Variants in ADAM9 observed in about 807,000 individuals in gnomAD.
ADAM9 encodes the protein ADAM metallopeptidase domain 9, also known as disintegrin and metalloproteinase domain-containing protein 9.
ADAM9 carries 54 observed loss-of-function variants against 108.1 expected under a neutral mutation model. The observed-to-expected ratio is 0.50, with a 90% CI of 0.40 to 0.63. The LOEUF (loss-of-function observed/expected upper bound fraction) is 0.63. ADAM9 is among the 20% of genes least tolerant of loss of function. The probability of loss-of-function intolerance (pLI) is 0.00; values close to 1 mark genes in which losing one functional copy is unlikely to be tolerated. For synonymous variants in ADAM9, 316 were observed against 336.0 expected (o/e 0.94, Z 0.65); for missense variants, 830 against 997.7 (o/e 0.83, Z 2.26).
chr8:39,028,861 G>T (rs1011349973), intron 11 of ADAM9, among the ~76,000 whole-genome samples: 5 of 152,080 alleles, frequency 3.3e-5, no homozygotes, highest in African/African-American at 1.2e-4. Context: ...GAGGACGGAG[G>T]GTGGTGAAAC....
intron 4 of ADAM9, chr8:39,014,321 T>A: frequency 1.8e-6 from 1 of 549,622 alleles, no homozygotes; most frequent in Non-Finnish European, 3.2e-6. Context: ...GAAAATTTGA[T>A]ATGTTTTGAA....
intron 12 of ADAM9, among the ~76,000 whole-genome samples, chr8:39,053,079 T>A (rs899239445): frequency 1.3e-5 from 2 of 152,190 alleles, no homozygotes; most frequent in Non-Finnish European, 1.5e-5. Flanking sequence ...ATTTCCTTAG[T>A]AACTAATGAT....
At chr8:39,073,651 TTGAA>T (rs1041392092) in intron 15 of ADAM9, among the ~76,000 whole-genome samples, 15 of 152,232 alleles carry the variant, frequency 9.9e-5, no homozygotes, top group African/African-American at 3.4e-4. Flanking sequence ...ATATAACCGA[TTGAA>T]TGAACTGATT....
chr8:39,064,958 G>T (rs1225017800), intron 14 of ADAM9, among the ~76,000 whole-genome samples: 2 of 152,166 alleles, frequency 1.3e-5, no homozygotes, highest in African/African-American at 4.8e-5. Flanking sequence ...GAAAAAGCTT[G>T]GAGAATGACC....
intron 14 of ADAM9, among the ~76,000 whole-genome samples, chr8:39,058,624 A>G (rs975496463): frequency 3.9e-5 from 6 of 152,188 alleles, no homozygotes; most frequent in African/African-American, 1.4e-4. Flanking sequence ...TCTACCTGGC[A>G]TAGAAACTGC....
intron 11 of ADAM9, among the ~76,000 whole-genome samples, chr8:39,037,157 C>T (rs977009637): frequency 5.4e-5 from 8 of 147,336 alleles, no homozygotes; most frequent in African/African-American, 2.0e-4. Flanking sequence ...CCCGGGTTCA[C>T]GCCATTCTCC....
rs749730717 is a variant in ADAM9 at position 39,023,108 on chromosome 8, CTCACGTTCT to C, written c.745-46_745-38del. ...TACTTCATGTGGTTAAAAGATTTTT[CTCACGTTCT>C]TTACTATATTTTATATACTTTTATT... On this transcript the variant is annotated intron_variant, in intron 8 of 21. Transcript: ENST00000487273. 3 of 1,517,536 alleles carry C rather than the reference CTCACGTTCT, an allele frequency of 2.0e-6. No homozygotes were observed. In the South Asian group the frequency reaches 3.5e-5, roughly 18 times the overall value. The allele number at this position is 1,517,536 out of a possible 1,614,324, so 94.0% of individuals were successfully genotyped here.
Position 39,026,703 on chromosome 8 carries a change from T to A in ADAM9, c.1023T>A (p.Phe341Leu), listed in dbSNP as rs143659261. The A allele has an allele frequency of 8.1e-5, 130 of 1,614,102 alleles. No individual in the cohort carries two copies. Among genetic ancestry groups the A allele is most frequent in the Non-Finnish European group, 1.1e-4 (126 of 1,180,032 alleles). The stretch of plus-strand genomic sequence containing the variant: ...TTGGACAAATCACTGTGGAGACATT[T>A]GCTTCCATTGTTGCTCATGAATTGG... ...NVFGQITVETFASIVAHELGH... is the reference protein window; with the variant it reads ...NVFGQITVETLASIVAHELGH... Residue 341 changes from phenylalanine to leucine, a missense_variant, in exon 11 of 22, where the codon TTT (phenylalanine) becomes TTA (leucine). Around this residue, in one of 3 missense-constraint regions of ADAM9, gnomAD observed 381 missense variants for 539.8 expected, o/e 0.71. Coordinates refer to ENST00000487273, the MANE Select transcript of ADAM9 (RefSeq NM_003816.3).
In ADAM9 at chr8:39,037,458, G is replaced by GTGTT. The variant is rs56848190; in HGVS notation, c.1131-4487_1131-4486insGTTT. ...TATATTTAAGTGTGTGTGTGTGTGT[G>GTGTT]TTTTTTTTTTTTTTTTGGAGACAGG... is the stretch of plus-strand genomic sequence containing the variant. On this transcript the variant is annotated intron_variant, in intron 11 of 21. Transcript: ENST00000487273. Among the ~76,000 whole-genome samples, 117 of 126,540 alleles carry GTGTT rather than the reference G, an allele frequency of 9.2e-4. No homozygotes were observed. The Middle Eastern group carries it at 0.012, about 13-fold the overall frequency. The allele number at this position is 126,540 out of a possible 152,430, so 83.0% of individuals were successfully genotyped here. A position where few individuals can be genotyped will look rare whatever the true frequency, so the allele number is the denominator to read the frequency against.
chr8:39,016,085 A>G (rs946236200), intron 4 of ADAM9, 33 bp from the exon 5 acceptor site: 9 of 1,575,856 alleles, frequency 5.7e-6, no homozygotes, highest in African/African-American at 2.7e-5. Context: ...CAATGTAGCA[A>G]TATTTGAAGA....
intron 12 of ADAM9, 52 bp downstream of exon 12, chr8:39,042,169 G>T (rs780151763): frequency 3.0e-5 from 48 of 1,600,962 alleles, no homozygotes; most frequent in Non-Finnish European, 4.1e-5. Flanking sequence ...ATATTTGCAA[G>T]AAATAAAATG....
intron 14 of ADAM9, among the ~76,000 whole-genome samples, chr8:39,068,675 C>CAAAAAAAAAAAAAAAAAAAAAA (rs562274321): frequency 4.8e-5 from 2 of 42,010 alleles, no homozygotes; most frequent in Non-Finnish European, 9.3e-5. Flanking sequence ...AACTTCTCCT[C>CAAAAAAAAAAAAAAAAAAAAAA]AAAAAAAAAA....
chr8:38,999,443 G>C (rs1835930063), intron 1 of ADAM9, among the ~76,000 whole-genome samples: 1 of 151,796 alleles, frequency 6.6e-6, no homozygotes, highest in Non-Finnish European at 1.5e-5. Flanking sequence ...AACAGATTTA[G>C]AATTTTTTTT....
intron 2 of ADAM9, among the ~76,000 whole-genome samples, chr8:39,009,774 G>T (rs758236352): frequency 6.6e-6 from 1 of 151,852 alleles, no homozygotes; most frequent in Non-Finnish European, 1.5e-5. Context: ...TATTTATTGA[G>T]TTACTATTGT....
At chr8:39,031,115 A>G (rs372530167) in intron 11 of ADAM9, among the ~76,000 whole-genome samples, 2 of 152,170 alleles carry the variant, frequency 1.3e-5, no homozygotes, top group South Asian at 2.1e-4. Context: ...TTTGTGTTGT[A>G]TCTAAAAAAT....
rs191293471 is a variant in ADAM9, at chr8:39,017,439, T to C, written c.606+25T>C. On this transcript the variant is annotated intron_variant, in intron 6 of 21. Coordinates refer to ENST00000487273, the MANE Select transcript of ADAM9 (RefSeq NM_003816.3). ...AGTAAGGAAATAACATAATTCTTCA[T>C]GGCTCAGACTACCATTTTAGAAAAA... The C allele has an allele frequency of 3.3e-4, 525 of 1,600,156 alleles. 4 individuals are homozygous for C. The African/African-American group carries it at 6.2e-3, about 19-fold the overall frequency.
intron 16 of ADAM9, among the ~76,000 whole-genome samples, chr8:39,077,998 A>T (rs922715357): frequency 6.6e-6 from 1 of 152,172 alleles, no homozygotes; most frequent in Non-Finnish European, 1.5e-5. Context: ...GGCAGCCTTA[A>T]GCCATATACA....
At position 39,045,398 on chromosome 8, in the gene ADAM9, ACACC is replaced by A. The variant is rs1460833720; in HGVS notation, c.1302+3282_1302+3285del. Among the ~76,000 whole-genome samples the A allele has an allele frequency of 7.2e-4, 106 of 147,716 alleles. 2 individuals carry two copies. Among genetic ancestry groups the A allele is most frequent in the African/African-American group, 1.3e-3 (51 of 39,638 alleles). ...CATACACCTATAGGTGTGTGTACACACACCTATATGTGCGCGTGTGTACACACAC... is the reference window on the plus strand; with the variant it reads ...CATACACCTATAGGTGTGTGTACACATATATGTGCGCGTGTGTACACACAC... On this transcript the variant is annotated intron_variant, in intron 12 of 21. Transcript: ENST00000487273.
intron 4 of ADAM9, chr8:39,014,701 C>G (rs927147497): frequency 1.7e-6 from 1 of 604,956 alleles, no homozygotes; most frequent in African/African-American, 1.9e-5. Flanking sequence ...CATGAGAAAT[C>G]TTTATTCCCA....
Sources: gnomAD v4.1 joint callset for allele counts (sites outside exome capture counted in the v4.1 genomes callset) on GRCh38, gnomAD v4.1.1 for gene constraint, gnomAD v4.1.1 regional missense constraint, MANE v1.5 for transcripts, NCBI Gene and HGNC (gene_info 2026-07-23, HGNC 2026-07-21) for gene names.